The following EEIG2 variants were observed in gnomAD, a reference collection of about 807,000 sequenced individuals.
EEIG2 encodes the protein EEIG family member 2.
the EEIG2 span, among the ~76,000 whole-genome samples, chr1:108,614,294 A>G: frequency 2.7e-5 from 4 of 150,298 alleles, no homozygotes; most frequent in African/African-American, 9.8e-5. Flanking sequence ...TTGTTAACTC[A>G]CTTATTAAAT....
At chr1:108,623,741 G>A in the EEIG2 span, among the ~76,000 whole-genome samples, 2 of 151,710 alleles carry the variant, frequency 1.3e-5, no homozygotes, top group East Asian at 3.9e-4. Flanking sequence ...GTGCAATCTC[G>A]GCTCACTGCA....
the EEIG2 span, chr1:108,626,195 T>C: frequency 0.043 from 6,551 of 152,280 alleles, 197 homozygotes; most frequent in Admixed American, 0.057. Context: ...ATCTATACCC[T>C]TGGCTTTATC....
the EEIG2 span, among the ~76,000 whole-genome samples, chr1:108,610,349 A>C: frequency 1.1e-4 from 17 of 152,172 alleles, no homozygotes; most frequent in Non-Finnish European, 2.4e-4. Flanking sequence ...GCATGTGGGC[A>C]CAGATGCAGG....
the EEIG2 span, among the ~76,000 whole-genome samples, chr1:108,584,083 G>A: frequency 6.6e-6 from 1 of 152,274 alleles, no homozygotes; most frequent in East Asian, 1.9e-4. Flanking sequence ...AGGGATTAGA[G>A]AGCAAGCAGG....
the EEIG2 span, among the ~76,000 whole-genome samples, chr1:108,571,103 T>C: frequency 6.6e-6 from 1 of 152,290 alleles, no homozygotes; most frequent in Non-Finnish European, 1.5e-5. Context: ...ATTGCAGGTG[T>C]TGGAGTGAAG....
At chr1:108,610,806 C>T in the EEIG2 span, among the ~76,000 whole-genome samples, 3 of 151,992 alleles carry the variant, frequency 2.0e-5, no homozygotes, top group Admixed American at 6.6e-5. Flanking sequence ...TGGTGGTGGG[C>T]GCCTGTAGTC....
At chr1:108,570,973 G>A in the EEIG2 span, among the ~76,000 whole-genome samples, 2 of 152,186 alleles carry the variant, frequency 1.3e-5, no homozygotes, top group African/African-American at 4.8e-5. Flanking sequence ...GATTACTTCA[G>A]TAGAGCAGGC....
chr1:108,623,574 C>G, the EEIG2 span, among the ~76,000 whole-genome samples: 1 of 152,148 alleles, frequency 6.6e-6, no homozygotes, highest in Non-Finnish European at 1.5e-5. Context: ...GATGGATACC[C>G]CATTTACCCT....
chr1:108,612,460 T>G, the EEIG2 span, among the ~76,000 whole-genome samples: 1 of 152,188 alleles, frequency 6.6e-6, no homozygotes, highest in South Asian at 2.1e-4. Flanking sequence ...AAGTCACAAA[T>G]GCAGTGAAAA....
At chr1:108,597,958 C>T in the EEIG2 span, among the ~76,000 whole-genome samples, 2 of 152,132 alleles carry the variant, frequency 1.3e-5, no homozygotes, top group South Asian at 2.1e-4. Context: ...GTTTATATCT[C>T]CTTGTTGGGA....
chr1:108,567,660 G>A, the EEIG2 span, among the ~76,000 whole-genome samples: 1 of 152,132 alleles, frequency 6.6e-6, no homozygotes, highest in Admixed American at 6.5e-5. Context: ...ACAAGACCTG[G>A]CCCCTTTAGA....
the EEIG2 span, among the ~76,000 whole-genome samples, chr1:108,587,396 T>C: frequency 6.6e-6 from 1 of 152,170 alleles, no homozygotes; most frequent in Admixed American, 6.6e-5. Flanking sequence ...TTGTTACAGT[T>C]GATGAACCTT....
chr1:108,615,491 C>T, the EEIG2 span, among the ~76,000 whole-genome samples: 1 of 151,822 alleles, frequency 6.6e-6, no homozygotes, highest in Admixed American at 6.6e-5. Context: ...GCTTTAAATC[C>T]TGGTTGGGCA....
chr1:108,582,231 A>G, the EEIG2 span, among the ~76,000 whole-genome samples: 1 of 152,210 alleles, frequency 6.6e-6, no homozygotes, highest in Admixed American at 6.5e-5. Flanking sequence ...TGGGAAACCA[A>G]AAAATGAATG....
At chr1:108,630,456 A>G in the EEIG2 span, among the ~76,000 whole-genome samples, 1 of 150,422 alleles carries the variant, frequency 6.6e-6, no homozygotes, top group Non-Finnish European at 1.5e-5. Context: ...GAATAGCATT[A>G]GGAGATAAAC....
the EEIG2 span, among the ~76,000 whole-genome samples, chr1:108,584,639 C>T: frequency 6.6e-6 from 1 of 152,162 alleles, no homozygotes; most frequent in Non-Finnish European, 1.5e-5. Flanking sequence ...ATGGCAGTTT[C>T]TGAGAATTCT....
the EEIG2 span, among the ~76,000 whole-genome samples, chr1:108,624,432 T>TAAA: frequency 8.2e-3 from 737 of 89,490 alleles, 6 homozygotes; most frequent in South Asian, 0.018. Context: ...CTTGTTATGT[T>TAAA]AAAAAAAAAA....
the EEIG2 span, among the ~76,000 whole-genome samples, chr1:108,582,697 T>G: frequency 2.0e-5 from 3 of 152,158 alleles, no homozygotes; most frequent in Non-Finnish European, 4.4e-5. Flanking sequence ...AGAGAGAATT[T>G]TGAGCATTGC....
chr1:108,637,408 G>C, the EEIG2 span: 5 of 151,884 alleles, frequency 3.3e-5, no homozygotes, highest in East Asian at 3.9e-4. Context: ...CTCGCTAAGG[G>C]TTGCCTAAGT....
Sources: gnomAD v4.1 joint callset for allele counts (sites outside exome capture counted in the v4.1 genomes callset) on GRCh38, gnomAD v4.1.1 for gene constraint, MANE v1.5 for transcripts, NCBI Gene and HGNC (gene_info 2026-07-23, HGNC 2026-07-21) for gene names.